Variants in ADGB observed in about 807,000 individuals in gnomAD.
ADGB encodes calpain-7-like protein.
A neutral mutation model predicts 210.5 loss-of-function variants in ADGB; 172 were observed. That is an observed-to-expected ratio of 0.82 (90% confidence interval 0.72 to 0.93). ADGB has a LOEUF of 0.93. ADGB is among the 40% of genes least tolerant of loss of function. ADGB has a pLI of 0.00. For synonymous variants in ADGB, 658 were observed against 662.7 expected (o/e 0.99, Z 0.11); for missense variants, 2,025 against 1,964.8 (o/e 1.03, Z -0.58).
At chr6:146,800,104 G>A (rs373395675) in intron 33 of ADGB, among the ~76,000 whole-genome samples, 137 of 151,730 alleles carry the variant, frequency 9.0e-4, no homozygotes, top group African/African-American at 3.0e-3. Flanking sequence ...CACCGCGCCC[G>A]GCCCTAAAAC....
At chr6:146,801,768 T>A in intron 34 of ADGB, 60 bp from the exon 35 acceptor site, 1 of 1,399,240 alleles carries the variant, frequency 7.1e-7, no homozygotes, top group Non-Finnish European at 9.6e-7. Context: ...ATGTCTAAAG[T>A]GAAGCTTATT....
chr6:146,686,287 A>G (rs1289465501), intron 10 of ADGB, among the ~76,000 whole-genome samples: 3 of 152,118 alleles, frequency 2.0e-5, no homozygotes, highest in Non-Finnish European at 2.9e-5. Flanking sequence ...ACAAAATAAT[A>G]CAAAATAAAT....
intron 26 of ADGB, among the ~76,000 whole-genome samples, chr6:146,750,033 C>G (rs1777297866): frequency 6.6e-6 from 1 of 152,002 alleles, no homozygotes; most frequent in African/African-American, 2.4e-5. Flanking sequence ...ACCGGTGTTG[C>G]TGATGGAGTA....
At position 146,728,565 on chromosome 6, in the gene ADGB, T is replaced by C. The variant is rs1301516739; in HGVS notation, c.2353-9T>C. ...GAGTGAGGATGGCTGCCATGCTTTGTCTTCACAGGAGAGCTGCCGATTTAC... is the reference window on the plus strand; with the variant it reads ...GAGTGAGGATGGCTGCCATGCTTTGCCTTCACAGGAGAGCTGCCGATTTAC... On this transcript the variant is annotated splice_polypyrimidine_tract_variant and intron_variant, in intron 19 of 35. Coordinates refer to ENST00000397944, the MANE Select transcript of ADGB (RefSeq NM_024694.4). The C allele has an allele frequency of 6.5e-7, 1 of 1,549,704 alleles. No homozygotes were observed. The highest frequency in any genetic ancestry group is 1.2e-5 in the South Asian group (1 of 83,928).
chr6:146,740,807 G>A (rs994548113), intron 24 of ADGB, among the ~76,000 whole-genome samples: 2 of 151,950 alleles, frequency 1.3e-5, no homozygotes, highest in Non-Finnish European at 2.9e-5. Flanking sequence ...ATTATTAGAA[G>A]CTTTTATGTT....
rs953313970 is a variant in ADGB, at chr6:146,716,954, A to C, written c.1813A>C (p.Ile605Leu). ...QSDGLNLEREIVSQTTATQEK... is the reference protein window; with the variant it reads ...QSDGLNLERELVSQTTATQEK... ...TGATGGATTAAACTTGGAAAGAGAGATAGTCAGCCAGACCACAGCAACACA... is the reference window on the plus strand; with the variant it reads ...TGATGGATTAAACTTGGAAAGAGAGCTAGTCAGCCAGACCACAGCAACACA... The change falls in exon 15 of 36, where the codon ATA becomes CTA. Residue 605 changes from isoleucine (I) to leucine (L), a missense_variant. Ile to Leu is a conservative substitution (Grantham distance 5). Coordinates refer to ENST00000397944, the MANE Select transcript of ADGB (RefSeq NM_024694.4). 6.4e-7 allele frequency: 1 copy of C among 1,551,494 alleles called. No homozygotes were observed. The highest frequency in any genetic ancestry group is 1.4e-5 in the African/African-American group (1 of 73,034).
At chr6:146,765,970 T>TA (rs1202288097) in intron 28 of ADGB, among the ~76,000 whole-genome samples, 1 of 152,046 alleles carries the variant, frequency 6.6e-6, no homozygotes, top group Admixed American at 6.6e-5. Context: ...CACGTACTTC[T>TA]AGTAAGACCA....
Position 146,628,489 on chromosome 6 carries a change from C to T in ADGB, c.75-6886C>T, listed in dbSNP as rs547904085. ...AGCAAAGTCAACACTGACTAGAAAA[C>T]AAAGTTCAAACTCCTCAGCAAGGCC... On this transcript the variant is annotated intron_variant, in intron 1 of 35. Transcript: ENST00000397944. 3.3e-5 allele frequency among the ~76,000 whole-genome samples: 5 copies of T among 152,016 alleles called. No homozygotes were observed. In the South Asian group the frequency reaches 1.0e-3, roughly 32 times the overall value.
At chr6:146,795,027 AC>A (rs1778019453) in intron 33 of ADGB, among the ~76,000 whole-genome samples, 1 of 152,196 alleles carries the variant, frequency 6.6e-6, no homozygotes, top group South Asian at 2.1e-4. Flanking sequence ...CCCTATTCTG[AC>A]CCATTGGTGA....
At chr6:146,659,029 C>T (rs1775820577) in intron 5 of ADGB, among the ~76,000 whole-genome samples, 1 of 152,186 alleles carries the variant, frequency 6.6e-6, no homozygotes, top group Admixed American at 6.5e-5. Context: ...TTATTTCTTT[C>T]TACCTGATCC....
At chr6:146,803,474 A>C in intron 35 of ADGB, 2 of 1,604,680 alleles carry the variant, frequency 1.2e-6, no homozygotes, top group Non-Finnish European at 1.7e-6. Flanking sequence ...AGATTTGGAA[A>C]GGGATGATGA....
At chr6:146,628,398 T>G (rs1781010592) in intron 1 of ADGB, among the ~76,000 whole-genome samples, 1 of 152,000 alleles carries the variant, frequency 6.6e-6, no homozygotes, top group African/African-American at 2.4e-5. Context: ...AAGCTTTACA[T>G]TTGGAAACAC....
intron 1 of ADGB, among the ~76,000 whole-genome samples, chr6:146,630,546 AAAACAAAC>A (rs142378334): frequency 6.6e-6 from 1 of 152,016 alleles, no homozygotes; most frequent in East Asian, 1.9e-4. Flanking sequence ...TGCTTCTTAA[AAAACAAAC>A]AAACAAACAA....
At chr6:146,766,860 T>G (rs865853642) in intron 28 of ADGB, among the ~76,000 whole-genome samples, 1 of 152,160 alleles carries the variant, frequency 6.6e-6, no homozygotes, top group Non-Finnish European at 1.5e-5. Context: ...ATTCTAGCAG[T>G]GTATTAAGCA....
intron 13 of ADGB, among the ~76,000 whole-genome samples, chr6:146,705,861 A>G (rs1368306688): frequency 6.6e-6 from 1 of 152,146 alleles, no homozygotes; most frequent in East Asian, 1.9e-4. Context: ...GGTATTAATT[A>G]TTCTTTAAAT....
At chr6:146,803,349 G>A in intron 35 of ADGB, 1 of 1,606,338 alleles carries the variant, frequency 6.2e-7, no homozygotes, top group East Asian at 2.2e-5. Flanking sequence ...AACCAAATAT[G>A]TTCGACTGTC....
intron 27 of ADGB, among the ~76,000 whole-genome samples, chr6:146,755,790 G>C (rs1777398189): frequency 6.6e-6 from 1 of 151,842 alleles, no homozygotes; most frequent in Non-Finnish European, 1.5e-5. Context: ...ACATCTTCTA[G>C]TTGACCTTTG....
At chr6:146,666,924 CTCA>C in intron 7 of ADGB, 22 bp downstream of exon 7, 1 of 1,469,680 alleles carries the variant, frequency 6.8e-7, no homozygotes, top group Non-Finnish European at 9.3e-7. Context: ...TATTAAATTG[CTCA>C]TATCTATTTT....
intron 4 of ADGB, among the ~76,000 whole-genome samples, chr6:146,656,104 G>A (rs1775776970): frequency 6.6e-6 from 1 of 152,122 alleles, no homozygotes; most frequent in Non-Finnish European, 1.5e-5. Flanking sequence ...TAGAGAGGTG[G>A]AAGCAACTTT....
Sources: gnomAD v4.1 joint callset for allele counts (sites outside exome capture counted in the v4.1 genomes callset) on GRCh38, gnomAD v4.1.1 for gene constraint, MANE v1.5 for transcripts, NCBI Gene and HGNC (gene_info 2026-07-23, HGNC 2026-07-21) for gene names.